Variants in COL25A1 observed in about 807,000 individuals in gnomAD.
COL25A1 encodes the protein collagen type XXV alpha 1 chain.
A neutral mutation model predicts 128.4 loss-of-function variants in COL25A1; 103 were observed. The observed-to-expected ratio is 0.80, with a 90% CI of 0.68 to 0.94. The LOEUF is 0.94. COL25A1 is among the 40% of genes least tolerant of loss of function. The pLI is 0.00. For synonymous variants in COL25A1, 279 were observed against 277.2 expected (o/e 1.01, Z -0.06); for missense variants, 745 against 840.0 (o/e 0.89, Z 1.40).
intron 18 of COL25A1, among the ~76,000 whole-genome samples, chr4:108,886,479 TGTG>T (rs1740810250): frequency 2.3e-5 from 3 of 131,296 alleles, no homozygotes; most frequent in African/African-American, 8.3e-5. Flanking sequence ...TGTGTGTGTG[TGTG>T]TGTGTGTGTG....
intron 8 of COL25A1, among the ~76,000 whole-genome samples, chr4:108,956,095 T>C (rs754444611): frequency 2.0e-5 from 3 of 152,150 alleles, no homozygotes; most frequent in Non-Finnish European, 4.4e-5. Flanking sequence ...TTGCTAAAAT[T>C]TGTATTGACC....
chr4:108,936,240 T>C (rs1747386099), intron 11 of COL25A1, among the ~76,000 whole-genome samples: 1 of 152,148 alleles, frequency 6.6e-6, no homozygotes, highest in South Asian at 2.1e-4. Context: ...TTCCTTCCAC[T>C]TTTTTCTTTT....
chr4:108,881,741 T>C (rs1388596614), intron 19 of COL25A1, among the ~76,000 whole-genome samples: 2 of 152,192 alleles, frequency 1.3e-5, no homozygotes, highest in African/African-American at 4.8e-5. Flanking sequence ...CCACTAATAG[T>C]TGTGACGTAT....
chr4:109,212,516 A>T (rs966629805), intron 3 of COL25A1, among the ~76,000 whole-genome samples: 1 of 152,126 alleles, frequency 6.6e-6, no homozygotes, highest in Admixed American at 6.6e-5. Flanking sequence ...CTTCTGCCAC[A>T]CTTTATTGGT....
intron 13 of COL25A1, among the ~76,000 whole-genome samples, chr4:108,913,934 A>C (rs1236761611): frequency 6.6e-6 from 1 of 152,256 alleles, no homozygotes; most frequent in African/African-American, 2.4e-5. Context: ...GCACTCATGC[A>C]CACGCGCATG....
At chr4:109,230,741 A>G (rs1045533503) in intron 3 of COL25A1, among the ~76,000 whole-genome samples, 3 of 152,264 alleles carry the variant, frequency 2.0e-5, no homozygotes, top group Non-Finnish European at 4.4e-5. Context: ...AGCGGTACAG[A>G]GAAGAAATGG....
intron 3 of COL25A1, among the ~76,000 whole-genome samples, chr4:109,060,693 AAAAAAAAC>A (rs1761887334): frequency 6.6e-6 from 1 of 151,800 alleles, no homozygotes; most frequent in Non-Finnish European, 1.5e-5. Context: ...TTTTCAAAAA[AAAAAAAAC>A]AAAAAAACAT....
At chr4:108,962,367 G>C (rs1450256847) in intron 8 of COL25A1, among the ~76,000 whole-genome samples, 1 of 151,884 alleles carries the variant, frequency 6.6e-6, no homozygotes, top group Non-Finnish European at 1.5e-5. Flanking sequence ...TTTCAGTAGA[G>C]ACAGTGTTTC....
intron 35 of COL25A1, among the ~76,000 whole-genome samples, chr4:108,822,790 C>T (rs923801160): frequency 6.6e-5 from 10 of 152,062 alleles, no homozygotes; most frequent in Admixed American, 2.6e-4. Context: ...TATCTCAAAA[C>T]GTATGTATTT....
At chr4:109,078,550 A>G (rs947750334) in intron 3 of COL25A1, among the ~76,000 whole-genome samples, 4 of 152,246 alleles carry the variant, frequency 2.6e-5, no homozygotes, top group Admixed American at 6.5e-5. Context: ...TGCTTTTCAC[A>G]GCTCTTTCTG....
chr4:109,126,847 T>G (rs927623187), intron 3 of COL25A1, among the ~76,000 whole-genome samples: 1 of 151,990 alleles, frequency 6.6e-6, no homozygotes, highest in African/African-American at 2.4e-5. Context: ...GCATGGCACA[T>G]GTATACATAT....
chr4:108,945,908 G>A (rs189506564), intron 8 of COL25A1, among the ~76,000 whole-genome samples: 72 of 152,102 alleles, frequency 4.7e-4, no homozygotes, highest in Non-Finnish European at 4.1e-4. Context: ...CAAGTGATCC[G>A]CCCACCTCAG....
chr4:109,001,196 A>G (rs1165774833), intron 6 of COL25A1, among the ~76,000 whole-genome samples: 1 of 152,196 alleles, frequency 6.6e-6, no homozygotes, highest in Non-Finnish European at 1.5e-5. Flanking sequence ...ATATAATTGT[A>G]TTAGGATACT....
intron 3 of COL25A1, among the ~76,000 whole-genome samples, chr4:109,152,118 A>G (rs1406425492): frequency 1.3e-5 from 2 of 151,300 alleles, no homozygotes; most frequent in Non-Finnish European, 2.9e-5. Flanking sequence ...AGTGGCATTT[A>G]CCTTACACTA....
At chr4:108,985,076 C>T (rs939840582) in intron 6 of COL25A1, among the ~76,000 whole-genome samples, 5 of 152,182 alleles carry the variant, frequency 3.3e-5, no homozygotes, top group African/African-American at 4.8e-5. Flanking sequence ...CTACCATTCT[C>T]CTTCTTCCAA....
At chr4:109,101,541 T>C (rs1210717854) in intron 3 of COL25A1, among the ~76,000 whole-genome samples, 2 of 152,144 alleles carry the variant, frequency 1.3e-5, no homozygotes, top group Non-Finnish European at 2.9e-5. Context: ...ATGTACAAAA[T>C]GTACGAAAGA....
intron 3 of COL25A1, among the ~76,000 whole-genome samples, chr4:109,223,710 G>A (rs1778586426): frequency 6.6e-6 from 1 of 151,954 alleles, no homozygotes; most frequent in Non-Finnish European, 1.5e-5. Context: ...TGCCCTATCT[G>A]CTGCATTTAC....
intron 3 of COL25A1, among the ~76,000 whole-genome samples, chr4:109,090,118 T>A (rs1414731024): frequency 6.6e-6 from 1 of 152,120 alleles, no homozygotes; most frequent in Non-Finnish European, 1.5e-5. Flanking sequence ...AATAGAAACA[T>A]GTAAGATGTT....
intron 28 of COL25A1, among the ~76,000 whole-genome samples, chr4:108,845,672 T>A (rs1167724425): frequency 6.6e-6 from 1 of 152,198 alleles, no homozygotes; most frequent in Non-Finnish European, 1.5e-5. Context: ...TTAAAACAAT[T>A]TTTACATTTT....
Sources: gnomAD v4.1 joint callset for allele counts (sites outside exome capture counted in the v4.1 genomes callset) on GRCh38, gnomAD v4.1.1 for gene constraint, MANE v1.5 for transcripts, NCBI Gene and HGNC (gene_info 2026-07-23, HGNC 2026-07-21) for gene names.